The following PITPNA variants were observed in gnomAD, a reference collection of about 807,000 sequenced individuals.
The protein encoded by PITPNA is phosphatidylinositol transfer protein alpha isoform.
Under a neutral mutation model 50.3 loss-of-function variants are expected in PITPNA, and 13 were observed. The ratio of observed to expected loss-of-function variants is 0.26; its 90% CI spans 0.17 to 0.41. The LOEUF is 0.41. Ranked by LOEUF, PITPNA falls within the 10% of genes least tolerant of loss-of-function variation. The pLI, the probability that PITPNA is intolerant of heterozygous loss-of-function variation, is 1.00. For missense variants in PITPNA, 207 were observed against 333.4 expected (o/e 0.62, Z 2.95); for synonymous variants, 120 against 119.6 (o/e 1.00, Z -0.02).
At chr17:1,557,469 C>T (rs2075741065) in intron 2 of PITPNA, among the ~76,000 whole-genome samples, 1 of 152,186 alleles carries the variant, frequency 6.6e-6, no homozygotes, top group South Asian at 2.1e-4. Context: ...GCTGACGAAC[C>T]TCACCCAAAC....
chr17:1,561,064 A>G (rs2075765442), intron 1 of PITPNA: 2 of 151,134 alleles, frequency 1.3e-5, no homozygotes, highest in Non-Finnish European at 2.9e-5. Context: ...ACCATCTCCC[A>G]CTCCTGGGGC....
chr17:1,522,370 C>A (rs569180438), intron 10 of PITPNA, among the ~76,000 whole-genome samples: 2 of 151,874 alleles, frequency 1.3e-5, no homozygotes, highest in Non-Finnish European at 2.9e-5. Context: ...CGCGCCTGGC[C>A]GAAACATCTT....
intron 4 of PITPNA, among the ~76,000 whole-genome samples, chr17:1,547,874 G>A (rs1363417096): frequency 6.6e-6 from 1 of 151,764 alleles, no homozygotes; most frequent in African/African-American, 2.4e-5. Context: ...TGCGCCTGTA[G>A]TCCCAGCTAC....
At chr17:1,540,528 G>A (rs2151008382) in intron 6 of PITPNA, among the ~76,000 whole-genome samples, 1 of 152,046 alleles carries the variant, frequency 6.6e-6, no homozygotes, top group Admixed American at 6.5e-5. Flanking sequence ...TGGCTGCAAG[G>A]ATGTCACTAT....
chr17:1,558,769 A>ACCCCCCCCC (rs147366133), intron 1 of PITPNA, among the ~76,000 whole-genome samples: 78 of 22,708 alleles, frequency 3.4e-3, no homozygotes, highest in African/African-American at 3.9e-3. Context: ...CTGTGACAAC[A>ACCCCCCCCC]CCCCCCCCCC....
intron 7 of PITPNA, chr17:1,535,898 T>C (rs2075612968): frequency 4.4e-6 from 1 of 227,354 alleles, no homozygotes; most frequent in Non-Finnish European, 8.7e-6. Flanking sequence ...ACTGAGAATA[T>C]CTGCAGGTGA....
chr17:1,534,213 C>T lies in PITPNA; in HGVS notation c.654G>A (p.Arg218=), dbSNP rs757383601. 1.7e-5 allele frequency: 27 copies of T among 1,613,782 alleles called. No individual in the cohort carries two copies. Among genetic ancestry groups the T allele is most frequent in the Middle Eastern group, 3.3e-4 (2 of 6,084 alleles). The part of the protein sequence containing the change: ...KVENFIHKQE[R]RLFTNFHRQL... Reference sequence around the variant, plus strand: ...GCCTGTGGAAGTTTGTAAACAGACGCCTCTCTTGCTATAGAAAGGAGGGAA... The same window carrying T: ...GCCTGTGGAAGTTTGTAAACAGACGTCTCTCTTGCTATAGAAAGGAGGGAA... The change falls in exon 10 of 12, where the codon AGG becomes AGA. Residue 218 remains arginine, a synonymous_variant. Coordinates refer to ENST00000313486, the MANE Select transcript of PITPNA (RefSeq NM_006224.4).
chr17:1,541,466 CA>C (rs534043608), intron 6 of PITPNA, 99 bp downstream of exon 6: 134 of 849,422 alleles, frequency 1.6e-4, no homozygotes, highest in South Asian at 1.1e-3. Flanking sequence ...CCCGGCCAGG[CA>C]AAAGAGGACC....
intron 10 of PITPNA, among the ~76,000 whole-genome samples, chr17:1,523,504 G>A (rs1167813015): frequency 8.2e-6 from 1 of 121,688 alleles, no homozygotes; most frequent in Non-Finnish European, 1.8e-5. Context: ...ACCACGCCTG[G>A]CTTTTTTTTT....
At position 1,534,115 on chromosome 17, in the gene PITPNA, T is replaced by G. The variant is rs2075600903; in HGVS notation, c.752A>C (p.Lys251Thr). Residue 251 changes from lysine (K) to threonine (T), a missense_variant, in exon 10 of 12, where the codon AAG (lysine) becomes ACG (threonine). Lys to Thr is a moderately conservative substitution (Grantham distance 78). Coordinates refer to ENST00000313486, the MANE Select transcript of PITPNA (RefSeq NM_006224.4). ...CCCACTTACTTCATCCAGCTGTCTC[T>G]TCGTCTCTTCTTCCATCCTTCGAAT... ...DDIRRMEEET[K>T]RQLDEMRQKD... 1.2e-6 allele frequency: 2 copies of G among 1,613,818 alleles called. No homozygotes were observed. The highest frequency in any genetic ancestry group is 4.5e-5 in the East Asian group (2 of 44,868).
chr17:1,562,619 CG>C lies in PITPNA; in HGVS notation c.-60del, dbSNP rs1263301266. The C allele has an allele frequency of 8.5e-7, 1 of 1,181,918 alleles. No homozygotes were observed. The highest frequency in any genetic ancestry group is 1.1e-6 in the Non-Finnish European group (1 of 949,560). 73.2% of individuals were successfully genotyped at this position (1,181,918 alleles called of 1,614,324 possible). A position where few individuals can be genotyped will look rare whatever the true frequency, so the allele number is the denominator to read the frequency against. ...GCCCGGCCTCCCGCCCGCTGCCCGCCGGCCGCTCTCCCCGTGGCCCGGCCCG... is the reference window on the plus strand; with the variant it reads ...GCCCGGCCTCCCGCCCGCTGCCCGCCGCCGCTCTCCCCGTGGCCCGGCCCG... On this transcript the variant is annotated 5_prime_UTR_variant, in exon 1 of 12. Transcript: ENST00000313486. The surrounding 1 kb of genome is among the most constrained non-coding windows in gnomAD (Gnocchi z 6.4).
At chr17:1,539,927 G>A (rs748977848) in intron 6 of PITPNA, among the ~76,000 whole-genome samples, 1 of 152,230 alleles carries the variant, frequency 6.6e-6, no homozygotes, top group Admixed American at 6.5e-5. Context: ...AGTAGAAACA[G>A]GGTTTCACCA....
rs1440893534 is a variant in PITPNA at position 1,519,621 on chromosome 17, C to G, written c.*940G>C. ...CTTGCTTCCTAACCAGCCTCAAAGA[C>G]AGAGGACAGGGACCTAAGAAAGCAC... On this transcript the variant is annotated 3_prime_UTR_variant, in exon 12 of 12. Transcript: ENST00000313486. 6.6e-6 allele frequency: 1 copy of G among 152,650 alleles called. No homozygotes were observed. The highest frequency in any genetic ancestry group is 1.5e-5 in the Non-Finnish European group (1 of 68,068). The allele number at this position is 152,650 out of a possible 1,614,324, so 9.5% of individuals were successfully genotyped here.
rs200982827 is a variant in PITPNA at position 1,529,869 on chromosome 17, A to AAAAG, written c.768+4226_768+4229dup. Among the ~76,000 whole-genome samples, 1,058 of 152,210 alleles carry AAAAG rather than the reference A, an allele frequency of 7.0e-3. 19 individuals are homozygous for AAAAG. The highest frequency in any genetic ancestry group is 0.024 in the African/African-American group (980 of 41,518). On this transcript the variant is annotated intron_variant, in intron 10 of 11. Coordinates refer to ENST00000313486, the MANE Select transcript of PITPNA (RefSeq NM_006224.4). The stretch of plus-strand genomic sequence containing the variant: ...GACTCTGTTTCAAAAGAAAAAAAAA[A>AAAAG]AAAGAAAACAAGTTTTCTTAACATT...
intron 6 of PITPNA, 29 bp from the exon 7 acceptor site, chr17:1,538,981 C>A (rs1475623850): frequency 6.9e-7 from 1 of 1,440,096 alleles, no homozygotes; most frequent in Non-Finnish European, 9.8e-7. Context: ...AACCACTATG[C>A]AGTTTTTGTC....
rs146313305 is a variant in PITPNA at position 1,553,465 on chromosome 17, C to G, written c.52-316G>C. Among the ~76,000 whole-genome samples, 155 of 152,138 alleles carry G rather than the reference C, an allele frequency of 1.0e-3. No homozygotes were observed. In the East Asian group the frequency reaches 0.024, roughly 23 times the overall value. The stretch of plus-strand genomic sequence containing the variant: ...TATGTTGCCCAGGCTGGTCTCAAAA[C>G]TCCTGGTCTCAAGCCATCCTCCCAC... On this transcript the variant is annotated intron_variant, in intron 2 of 11. Coordinates refer to ENST00000313486, the MANE Select transcript of PITPNA (RefSeq NM_006224.4).
intron 7 of PITPNA, among the ~76,000 whole-genome samples, chr17:1,536,727 G>T (rs1052251088): frequency 1.3e-5 from 2 of 151,432 alleles, no homozygotes; most frequent in Non-Finnish European, 2.9e-5. Context: ...CTGAGTAGCT[G>T]GCATTACAGG....
intron 4 of PITPNA, among the ~76,000 whole-genome samples, chr17:1,545,942 T>A (rs957380568): frequency 4.5e-4 from 52 of 115,240 alleles, no homozygotes; most frequent in African/African-American, 1.0e-3. Context: ...TTTTTTTTTT[T>A]AATAAACGGA....
At chr17:1,533,373 C>T (rs1487613711) in intron 10 of PITPNA, among the ~76,000 whole-genome samples, 3 of 152,166 alleles carry the variant, frequency 2.0e-5, no homozygotes, top group Non-Finnish European at 2.9e-5. Flanking sequence ...TCAGAGCCTC[C>T]ACTTCCTCAT....
Sources: allele counts gnomAD v4.1 joint callset (sites outside exome capture counted in the v4.1 genomes callset), GRCh38; gene constraint gnomAD v4.1.1; non-coding constraint Gnocchi (gnomAD v3.1); transcripts MANE v1.5; gene names NCBI Gene and HGNC (gene_info 2026-07-23, HGNC 2026-07-21).